Variants in CRACDL observed in about 807,000 individuals in gnomAD.
CRACDL encodes CRACD-like protein.
A neutral mutation model predicts 70.6 loss-of-function variants in CRACDL; 26 were observed. That is an observed-to-expected ratio of 0.37 (90% CI 0.27 to 0.51). The LOEUF (loss-of-function observed/expected upper bound fraction) is 0.51. CRACDL is among the 20% of genes least tolerant of loss of function. The pLI is 0.94. For synonymous variants in CRACDL, 618 were observed against 615.2 expected, an observed-to-expected ratio of 1.00 and a Z score of -0.07; for missense variants, 1,283 against 1,376.9, an observed-to-expected ratio of 0.93 and a Z score of 1.08.
chr2:98,863,567 G>A (rs1267470361), intron 1 of CRACDL, among the ~76,000 whole-genome samples: 1 of 152,096 alleles, frequency 6.6e-6, no homozygotes, highest in African/African-American at 2.4e-5. Context: ...TAAGAGACTA[G>A]CACTTTTTTA....
At chr2:98,854,055 G>C (rs2104555139) in intron 1 of CRACDL, among the ~76,000 whole-genome samples, 1 of 152,152 alleles carries the variant, frequency 6.6e-6, no homozygotes, top group East Asian at 1.9e-4. Flanking sequence ...AGGCCGAGGT[G>C]GGTGGATCAC....
chr2:98,934,195 C>CTT (rs34592936), intron 1 of CRACDL, among the ~76,000 whole-genome samples: 9 of 80,066 alleles, frequency 1.1e-4, no homozygotes, highest in African/African-American at 2.9e-4. Flanking sequence ...AAGATTCATC[C>CTT]TTTTTTTTTT....
intron 1 of CRACDL, among the ~76,000 whole-genome samples, chr2:98,862,973 A>G (rs1706996393): frequency 6.6e-6 from 1 of 152,058 alleles, no homozygotes; most frequent in South Asian, 2.1e-4. Context: ...TACATTTTAC[A>G]TTTATACATT....
At chr2:98,900,620 T>A (rs926335954) in intron 1 of CRACDL, among the ~76,000 whole-genome samples, 2 of 152,086 alleles carry the variant, frequency 1.3e-5, no homozygotes, top group African/African-American at 4.8e-5. Context: ...GGCGTGTGCA[T>A]GCGTGCGTGC....
chr2:98,898,828 T>C (rs1258713494), intron 1 of CRACDL, among the ~76,000 whole-genome samples: 1 of 152,212 alleles, frequency 6.6e-6, no homozygotes. Flanking sequence ...ATGCCTAGAA[T>C]AGCAAGAGCC....
intron 7 of CRACDL, among the ~76,000 whole-genome samples, chr2:98,808,939 C>G (rs750809784): frequency 7.2e-5 from 11 of 152,270 alleles, no homozygotes; most frequent in Non-Finnish European, 1.5e-4. Context: ...GTGCAGGAAC[C>G]AGAGCACTGC....
chr2:98,841,979 T>C lies in CRACDL; in HGVS notation c.71-3692A>G, dbSNP rs1031913784. Reference sequence around the variant, plus strand: ...CTGTCTCTTTTTCTCAGACTCATTTTAAGATTTTTCATCCTCTTTGGTTTT... The same window carrying C: ...CTGTCTCTTTTTCTCAGACTCATTTCAAGATTTTTCATCCTCTTTGGTTTT... On this transcript the variant is annotated intron_variant, in intron 2 of 9. Coordinates refer to ENST00000397899, the MANE Select transcript of CRACDL (RefSeq NM_207362.3). 2.8e-4 allele frequency among the ~76,000 whole-genome samples: 42 copies of C among 152,162 alleles called. 2 individuals are homozygous for C. Among genetic ancestry groups the C allele is most frequent in the Admixed American group, 6.6e-5 (1 of 15,262 alleles).
chr2:98,929,143 T>C (rs1193393729), intron 1 of CRACDL, among the ~76,000 whole-genome samples: 1 of 152,056 alleles, frequency 6.6e-6, no homozygotes, highest in African/African-American at 2.4e-5. Flanking sequence ...GGAACAAAGG[T>C]CAATAATTAA....
intron 1 of CRACDL, among the ~76,000 whole-genome samples, chr2:98,873,152 A>C (rs1707394762): frequency 6.6e-6 from 1 of 152,254 alleles, no homozygotes. Flanking sequence ...GTTTCTATGC[A>C]GTGCCTAGCA....
Position 98,794,517 on chromosome 2 carries a change from C to T in CRACDL, c.*15G>A, listed in dbSNP as rs536508711. 8 of 1,612,260 alleles carry T rather than the reference C, an allele frequency of 5.0e-6. No individual in the cohort carries two copies. The Admixed American group carries it at 5.0e-5, about 10-fold the overall frequency. ...TGTCAGGGTAGTGGACATGCTTTAT[C>T]AGCACACTGCCCACCTATTTTATAA... On this transcript the variant is annotated 3_prime_UTR_variant, in exon 10 of 10. Coordinates refer to ENST00000397899, the MANE Select transcript of CRACDL (RefSeq NM_207362.3).
chr2:98,840,452 T>C (rs1705977733), intron 2 of CRACDL, among the ~76,000 whole-genome samples: 1 of 152,208 alleles, frequency 6.6e-6, no homozygotes, highest in Non-Finnish European at 1.5e-5. Flanking sequence ...CCTGGTGTGC[T>C]TGAAAATAAT....
At chr2:98,920,905 G>A (rs545747472) in intron 1 of CRACDL, among the ~76,000 whole-genome samples, 2 of 152,294 alleles carry the variant, frequency 1.3e-5, no homozygotes, top group East Asian at 3.9e-4. Context: ...CTGGATCAAA[G>A]AAACCTCAGG....
At chr2:98,835,737 G>A (rs1450373563) in intron 3 of CRACDL, among the ~76,000 whole-genome samples, 1 of 152,142 alleles carries the variant, frequency 6.6e-6, no homozygotes, top group Admixed American at 6.5e-5. Context: ...TTGTATTTCG[G>A]AGCAACCAAG....
At chr2:98,825,453 AGC>A (rs1705262806) in intron 6 of CRACDL, among the ~76,000 whole-genome samples, 1 of 152,248 alleles carries the variant, frequency 6.6e-6, no homozygotes, top group Admixed American at 6.5e-5. Context: ...CCCAGATGGG[AGC>A]AAGAAGGGAG....
At chr2:98,856,359 A>C (rs1373188904) in intron 1 of CRACDL, among the ~76,000 whole-genome samples, 2 of 152,228 alleles carry the variant, frequency 1.3e-5, no homozygotes, top group Non-Finnish European at 2.9e-5. Context: ...TTCTGTATCC[A>C]ACAAAGCTAT....
chr2:98,924,905 G>T (rs575795720), intron 1 of CRACDL, among the ~76,000 whole-genome samples: 1 of 152,240 alleles, frequency 6.6e-6, no homozygotes, highest in Admixed American at 6.5e-5. Context: ...CCACACAAAT[G>T]CTTGCCTTTC....
rs2104464843 is a variant in CRACDL, at chr2:98,822,223, C to T, written c.2050G>A (p.Val684Ile). 1 of 1,606,924 alleles carries T rather than the reference C, an allele frequency of 6.2e-7. No individual in the cohort carries two copies. The highest frequency in any genetic ancestry group is 8.5e-7 in the Non-Finnish European group (1 of 1,179,030). Residue 684 changes from valine to isoleucine, a missense_variant, in exon 7 of 10, where the codon GTC (valine) becomes ATC (isoleucine). Transcript: ENST00000397899. This position sits in a 1 kb window ranked among gnomAD's most constrained non-coding sequence, Gnocchi z 4.9. Reference protein sequence around the residue: ...APSEDRNPFPVKLRSTSLSLK... With the variant: ...APSEDRNPFPIKLRSTSLSLK... Reference sequence around the variant, plus strand: ...GAGAGGGAGGTGGACCGGAGCTTGACGGGGAAGGGGTTTCTGTCCTCACTC... The same window carrying T: ...GAGAGGGAGGTGGACCGGAGCTTGATGGGGAAGGGGTTTCTGTCCTCACTC...
intron 5 of CRACDL, among the ~76,000 whole-genome samples, chr2:98,829,289 G>A (rs949886459): frequency 1.3e-5 from 2 of 152,246 alleles, no homozygotes; most frequent in Non-Finnish European, 2.9e-5. Context: ...CCTTGGCATG[G>A]AGCTTAACTT....
At chr2:98,932,927 G>C (rs1233689847) in intron 1 of CRACDL, among the ~76,000 whole-genome samples, 1 of 152,206 alleles carries the variant, frequency 6.6e-6, no homozygotes, top group Non-Finnish European at 1.5e-5. Flanking sequence ...CCCAGGCACT[G>C]AGCACCTACC....
Sources: allele counts gnomAD v4.1 joint callset (sites outside exome capture counted in the v4.1 genomes callset), GRCh38; gene constraint gnomAD v4.1.1; non-coding constraint Gnocchi (gnomAD v3.1); transcripts MANE v1.5; gene names NCBI Gene and HGNC (gene_info 2026-07-23, HGNC 2026-07-21).